The following PIGX variants were observed in gnomAD, a reference collection of about 807,000 sequenced individuals.
PIGX encodes GPI alpha-1,4-mannosyltransferase I, stabilizing subunit.
Under a neutral mutation model 28.7 loss-of-function variants are expected in PIGX, and 24 were observed. The ratio of observed to expected loss-of-function variants is 0.84; its 90% CI spans 0.60 to 1.17. The LOEUF is 1.17. Among genes scored for constraint, PIGX ranks in the 50% most tolerant of loss-of-function variants. The pLI, the probability that PIGX is intolerant of heterozygous loss-of-function variation, is 0.00. For synonymous variants in PIGX, 127 were observed against 121.0 expected, an observed-to-expected ratio of 1.05 and a Z score of -0.33; for missense variants, 305 against 317.8, an observed-to-expected ratio of 0.96 and a Z score of 0.31.
chr3:196,729,809 C>A (rs932548112), intron 4 of PIGX, among the ~76,000 whole-genome samples: 4 of 151,306 alleles, frequency 2.6e-5, no homozygotes, highest in Non-Finnish European at 4.4e-5. Flanking sequence ...GTGTATCACA[C>A]CTGTAATCCC....
Position 196,717,257 on chromosome 3 carries a change from T to C in PIGX, c.176+336T>C, listed in dbSNP as rs539203333. Reference sequence around the variant, plus strand: ...TGGAGATTGTGGTGAGCCGAGATCATGCCACTGCACTCCAGCCTGGGCAAC... The same window carrying C: ...TGGAGATTGTGGTGAGCCGAGATCACGCCACTGCACTCCAGCCTGGGCAAC... On this transcript the variant is annotated intron_variant, in intron 2 of 5. Coordinates refer to ENST00000392391, the MANE Select transcript of PIGX (RefSeq NM_017861.4). Among the ~76,000 whole-genome samples, 19 of 143,674 alleles carry C rather than the reference T, an allele frequency of 1.3e-4. 1 individual carries two copies. The highest frequency in any genetic ancestry group is 5.0e-4 in the African/African-American group (19 of 37,922). 94.3% of individuals were successfully genotyped at this position (143,674 alleles called of 152,430 possible).
In PIGX at chr3:196,728,032, A is replaced by C. The variant is rs771850195; in HGVS notation, c.428A>C (p.Gln143Pro). 6.2e-7 allele frequency: 1 copy of C among 1,614,142 alleles called. No individual in the cohort carries two copies. Among genetic ancestry groups the C allele is most frequent in the Non-Finnish European group, 8.5e-7 (1 of 1,180,010 alleles). ...GATTCACAGTGCATTGACTGTTTTC[A>C]AGCCTTTTTGCCTGTGCACTGCCGC... The change falls in exon 4 of 6, where the codon CAA (glutamine) becomes CCA (proline). Residue 143 changes from glutamine (Q) to proline (P), a missense_variant. Coordinates refer to ENST00000392391, the MANE Select transcript of PIGX (RefSeq NM_017861.4).
chr3:196,732,239 TATATATA>T (rs1712808180), intron 5 of PIGX, among the ~76,000 whole-genome samples: 7 of 65,922 alleles, frequency 1.1e-4, no homozygotes, highest in African/African-American at 4.2e-4. Flanking sequence ...TATATATATA[TATATATA>T]TATATATATA....
In PIGX at chr3:196,712,645, G is replaced by T. The variant is rs1384424714; in HGVS notation, c.112+1G>T. On this transcript the variant is annotated splice_donor_variant, in intron 1 of 5. Coordinates refer to ENST00000392391, the MANE Select transcript of PIGX (RefSeq NM_017861.4). LOFTEE classifies it high-confidence loss of function. ...TTCACCGCCGCGCGCTCTGACGCCG[G>T]TAAGGGGGGCGGGGCTTGGGGGGCC... 22 of 1,189,048 alleles carry T rather than the reference G, an allele frequency of 1.9e-5. No individual in the cohort carries two copies. The highest frequency in any genetic ancestry group is 2.3e-5 in the Non-Finnish European group (22 of 960,304). 73.7% of individuals were successfully genotyped at this position (1,189,048 alleles called of 1,614,324 possible). A position where few individuals can be genotyped will look rare whatever the true frequency, so the allele number is the denominator to read the frequency against.
At position 196,712,641 on chromosome 3, in the gene PIGX, G is replaced by A; in HGVS notation, c.109G>A (p.Ala37Thr). 1 of 1,188,970 alleles carries A rather than the reference G, an allele frequency of 8.4e-7. No individual in the cohort carries two copies. The highest frequency in any genetic ancestry group is 1.0e-6 in the Non-Finnish European group (1 of 960,206). 73.7% of individuals were successfully genotyped at this position (1,188,970 alleles called of 1,614,324 possible). A position where few individuals can be genotyped will look rare whatever the true frequency, so the allele number is the denominator to read the frequency against. ...GGCCTTCACCGCCGCGCGCTCTGAC[G>A]CCGGTAAGGGGGGCGGGGCTTGGGG... Residue 37 changes from alanine to threonine, a missense_variant, in exon 1 of 6, where the codon GCC becomes ACC. Physicochemically the swap from Ala to Thr is moderately conservative, Grantham distance 58. Coordinates refer to ENST00000392391, the MANE Select transcript of PIGX (RefSeq NM_017861.4).
At chr3:196,716,808 A>T in intron 1 of PIGX, 50 bp from the exon 2 acceptor site, 1 of 903,628 alleles carries the variant, frequency 1.1e-6, no homozygotes, top group East Asian at 2.9e-5. Context: ...TTTAAATATT[A>T]TTTTATTCAG....
intron 5 of PIGX, 131 bp downstream of exon 5, chr3:196,731,223 G>T: frequency 4.8e-6 from 2 of 414,650 alleles, no homozygotes; most frequent in South Asian, 2.5e-5. Flanking sequence ...TGTCACCCAG[G>T]CTGGAGTGCA....
Position 196,731,074 on chromosome 3 carries a change from C to G in PIGX, c.615C>G (p.Asn205Lys). 1 of 1,587,032 alleles carries G rather than the reference C, an allele frequency of 6.3e-7. No individual in the cohort carries two copies. The highest frequency in any genetic ancestry group is 8.7e-7 in the Non-Finnish European group (1 of 1,155,808). Reference sequence around the variant, plus strand: ...AGAATGAGGATATCTGCCAATGGAACAAGATGAAGTATAAATCAGTAAGCT... The same window carrying G: ...AGAATGAGGATATCTGCCAATGGAAGAAGATGAAGTATAAATCAGTAAGCT... The change falls in exon 5 of 6, where the codon AAC becomes AAG. Residue 205 changes from asparagine (N) to lysine (K), a missense_variant. Asn to Lys is a moderately conservative substitution (Grantham distance 94, BLOSUM62 0). Transcript: ENST00000392391.
intron 1 of PIGX, chr3:196,713,079 C>T (rs1323770739): frequency 2.0e-6 from 2 of 985,592 alleles, no homozygotes; most frequent in African/African-American, 3.5e-5. Flanking sequence ...TGGCAAACTG[C>T]TTGTACTACT....
chr3:196,732,250 A>AT (rs1233871779), intron 5 of PIGX, among the ~76,000 whole-genome samples: 2 of 25,180 alleles, frequency 7.9e-5, no homozygotes, highest in African/African-American at 4.8e-4. Flanking sequence ...ATATATATAT[A>AT]TATATATTTT....
chr3:196,713,134 G>A (rs1041689468), intron 1 of PIGX: 31 of 973,146 alleles, frequency 3.2e-5, no homozygotes, highest in Non-Finnish European at 3.4e-5. Flanking sequence ...GGTAAGGTTT[G>A]ATGGGAGGAA....
At chr3:196,718,351 A>C (rs1003086333) in intron 2 of PIGX, among the ~76,000 whole-genome samples, 7 of 151,970 alleles carry the variant, frequency 4.6e-5, no homozygotes, top group Non-Finnish European at 8.8e-5. Flanking sequence ...TAGTTATTTC[A>C]CCATGAAGTA....
At chr3:196,725,494 C>T (rs1181230251) in intron 3 of PIGX, among the ~76,000 whole-genome samples, 1 of 152,090 alleles carries the variant, frequency 6.6e-6, no homozygotes, top group Non-Finnish European at 1.5e-5. Context: ...GCCTAGTGGA[C>T]TTTTTGAGTT....
intron 2 of PIGX, among the ~76,000 whole-genome samples, chr3:196,721,606 T>G (rs1187549412): frequency 6.6e-6 from 1 of 151,916 alleles, no homozygotes; most frequent in Non-Finnish European, 1.5e-5. Context: ...TGGCTAATTT[T>G]TTTATTTTTT....
rs1167057313 is a variant in PIGX at position 196,722,540 on chromosome 3, A to C, written c.302A>C (p.Glu101Ala). 2.5e-6 allele frequency: 4 copies of C among 1,613,358 alleles called. No individual in the cohort carries two copies. Among genetic ancestry groups the C allele is most frequent in the Non-Finnish European group, 3.4e-6 (4 of 1,179,590 alleles). ...CCGTATGAGTTGGCTTCATTACGAG[A>C]GAGAAACATAACAGAGGTACAGTTA... is the stretch of plus-strand genomic sequence containing the variant. Residue 101 changes from glutamate (E) to alanine (A), a missense_variant, in exon 3 of 6, where the codon GAG becomes GCG. By Grantham distance (107) the Glu-to-Ala change is moderately radical. Coordinates refer to ENST00000392391, the MANE Select transcript of PIGX (RefSeq NM_017861.4).
At chr3:196,719,155 G>A (rs1382452098) in intron 2 of PIGX, among the ~76,000 whole-genome samples, 1 of 151,934 alleles carries the variant, frequency 6.6e-6, no homozygotes, top group African/African-American at 2.4e-5. Context: ...CCATCTGTCA[G>A]TCTCTGCATT....
Position 196,735,335 on chromosome 3 carries a change from C to T in PIGX, c.*1433C>T, listed in dbSNP as rs970890133. On this transcript the variant is annotated 3_prime_UTR_variant, in exon 6 of 6. Transcript: ENST00000392391. ...AAAAAAAAAAAAAAAGTAAATAAAA[C>T]CTTAGGGCAAGCATGTTCCAAAACA... 1 of 98,314 alleles carries T rather than the reference C, an allele frequency of 1.0e-5. No homozygotes were observed. Among genetic ancestry groups the T allele is most frequent in the South Asian group, 3.6e-4 (1 of 2,768 alleles). The allele number at this position is 98,314 out of a possible 1,614,324, so 6.1% of individuals were successfully genotyped here.
intron 4 of PIGX, among the ~76,000 whole-genome samples, chr3:196,729,575 G>A (rs1430814549): frequency 6.6e-6 from 1 of 150,778 alleles, no homozygotes; most frequent in Non-Finnish European, 1.5e-5. Context: ...TTTTAGTAGA[G>A]ACGGAGTTTC....
chr3:196,720,605 T>C (rs1203843845), intron 2 of PIGX, among the ~76,000 whole-genome samples: 1 of 152,182 alleles, frequency 6.6e-6, no homozygotes, highest in Admixed American at 6.5e-5. Context: ...GAAATTGTCA[T>C]AGAGTTTTCT....
Sources: gnomAD v4.1 joint callset for allele counts (sites outside exome capture counted in the v4.1 genomes callset) on GRCh38, gnomAD v4.1.1 for gene constraint, MANE v1.5 for transcripts, NCBI Gene and HGNC (gene_info 2026-07-23, HGNC 2026-07-21) for gene names.